Variants in APC2 observed in about 807,000 individuals in gnomAD.
APC2 encodes the protein APC regulator of Wnt signaling pathway 2.
APC2 carries 41 observed loss-of-function variants against 72.5 expected under a neutral mutation model. That is an observed-to-expected ratio of 0.57 (90% confidence interval 0.44 to 0.73). The LOEUF is 0.73. Ranked by LOEUF, APC2 falls within the 30% of genes least tolerant of loss-of-function variation. The probability of loss-of-function intolerance (pLI) is 0.00; values close to 1 mark genes in which losing one functional copy is unlikely to be tolerated. For synonymous variants in APC2, 1,898 were observed against 1,612.0 expected (o/e 1.18, Z -4.25); for missense variants, 3,729 against 3,403.4 (o/e 1.10, Z -2.38).
Position 1,466,649 on chromosome 19 carries a change from G to C in APC2, c.3348G>C (p.Ala1116=). 1 of 1,494,208 alleles carries C rather than the reference G, an allele frequency of 6.7e-7. No individual in the cohort carries two copies. Among genetic ancestry groups the C allele is most frequent in the Non-Finnish European group, 8.9e-7 (1 of 1,122,994 alleles). The allele number at this position is 1,494,208 out of a possible 1,614,324, so 92.6% of individuals were successfully genotyped here. The part of the protein sequence containing the change: ...SEAELDSTWR[A]PGATSLPVAI... ...CTGAGCTGGACAGCACGTGGCGGGC[G>C]CCCGGGGCCACCTCGCTGCCCGTAG... The change falls in exon 15 of 15, where the codon GCG becomes GCC. Residue 1116 remains alanine (A), a synonymous_variant. Coordinates refer to ENST00000590469, the MANE Select transcript of APC2 (RefSeq NM_005883.3).
chr19:1,469,722 G>A lies in APC2; in HGVS notation c.6421G>A (p.Ala2141Thr). 2 of 1,450,046 alleles carry A rather than the reference G, an allele frequency of 1.4e-6. No homozygotes were observed. Among genetic ancestry groups the A allele is most frequent in the South Asian group, 1.3e-5 (1 of 74,652 alleles). The allele number at this position is 1,450,046 out of a possible 1,614,324, so 89.8% of individuals were successfully genotyped here. Reference protein sequence around the residue: ...GEPRPLPRVAAPGTTWRRIRD... With the variant: ...GEPRPLPRVATPGTTWRRIRD... ...GCCCCGGCCGCTCCCCAGGGTGGCC[G>A]CGCCGGGCACGACCTGGCGGCGCAT... The change falls in exon 15 of 15, where the codon GCG becomes ACG. Residue 2141 changes from alanine to threonine, a missense_variant. Transcript: ENST00000590469.
At position 1,467,377 on chromosome 19, in the gene APC2, C is replaced by T. The variant is rs954240452; in HGVS notation, c.4076C>T (p.Ala1359Val). 6.9e-5 allele frequency: 103 copies of T among 1,485,106 alleles called. No homozygotes were observed. The highest frequency in any genetic ancestry group is 2.6e-4 in the Admixed American group (12 of 45,442). 92.0% of individuals were successfully genotyped at this position (1,485,106 alleles called of 1,614,324 possible). Reference sequence around the variant, plus strand: ...GTGCCTGCCCGGCTGCGCAAGGTGGCCTCCGCGCTGGTGCCAGGTCGCCGC... The same window carrying T: ...GTGCCTGCCCGGCTGCGCAAGGTGGTCTCCGCGCTGGTGCCAGGTCGCCGC... Reference protein sequence around the residue: ...AAVPARLRKVASALVPGRRAL... With the variant: ...AAVPARLRKVVSALVPGRRAL... Residue 1359 changes from alanine to valine, a missense_variant, in exon 15 of 15, where the codon GCC becomes GTC. Coordinates refer to ENST00000590469, the MANE Select transcript of APC2 (RefSeq NM_005883.3).
At chr19:1,457,759 C>T (rs1312138780) in intron 9 of APC2, 1 of 603,376 alleles carries the variant, frequency 1.7e-6, no homozygotes, top group Non-Finnish European at 3.0e-6. Flanking sequence ...CCAGGAACTA[C>T]CTCGCCTCCC....
chr19:1,459,196 T>TAAACA (rs2083886358), intron 10 of APC2, among the ~76,000 whole-genome samples: 1 of 152,056 alleles, frequency 6.6e-6, no homozygotes, highest in Non-Finnish European at 1.5e-5. Context: ...ATAGTCTGTT[T>TAAACA]GTTTCAGAGC....
At chr19:1,456,800 AG>A (rs1305897545) in intron 8 of APC2, 52 bp from the exon 9 acceptor site, 11 of 1,551,806 alleles carry the variant, frequency 7.1e-6, no homozygotes, top group Non-Finnish European at 9.5e-6. Flanking sequence ...CCGGGTTTCC[AG>A]GTGTGCGGGG....
chr19:1,453,358 C>T, intron 3 of APC2, 21 bp downstream of exon 3: 1 of 1,611,644 alleles, frequency 6.2e-7, no homozygotes, highest in Non-Finnish European at 8.5e-7. Context: ...GGGCCACCCG[C>T]AGAGGGAGTG....
rs2084059916 is a variant in APC2, at chr19:1,468,226, C to G, written c.4925C>G (p.Pro1642Arg). The G allele has an allele frequency of 6.8e-7, 1 of 1,481,234 alleles. No homozygotes were observed. Among genetic ancestry groups the G allele is most frequent in the African/African-American group, 1.5e-5 (1 of 68,154 alleles). 91.8% of individuals were successfully genotyped at this position (1,481,234 alleles called of 1,614,324 possible). ...CISSALPRRR[P>R]PVSGLRRRKP... is the part of the protein sequence containing the mutation. ...AGCTCGGCCCTGCCCAGGCGCCGGC[C>G]CCCCGTGTCTGGCCTGCGGCGCCGC... Residue 1642 changes from proline to arginine, a missense_variant, in exon 15 of 15, where the codon CCC becomes CGC. Pro to Arg is a moderately radical substitution (Grantham distance 103). Transcript: ENST00000590469.
chr19:1,468,246 C>T lies in APC2; in HGVS notation c.4945C>T (p.Arg1649Cys). ...CCGGCCCCCCGTGTCTGGCCTGCGGCGCCGCAAGCCCCGAGCCACCCGGCT... is the reference window on the plus strand; with the variant it reads ...CCGGCCCCCCGTGTCTGGCCTGCGGTGCCGCAAGCCCCGAGCCACCCGGCT... The part of the protein sequence containing the change: ...RRRPPVSGLR[R>C]RKPRATRLDE... Residue 1649 changes from arginine to cysteine, a missense_variant, in exon 15 of 15, where the codon CGC becomes TGC. Coordinates refer to ENST00000590469, the MANE Select transcript of APC2 (RefSeq NM_005883.3). 11 of 1,506,196 alleles carry T rather than the reference C, an allele frequency of 7.3e-6. No homozygotes were observed. In the South Asian group the frequency reaches 8.8e-5, roughly 12 times the overall value. The allele number at this position is 1,506,196 out of a possible 1,614,324, so 93.3% of individuals were successfully genotyped here. A position where few individuals can be genotyped will look rare whatever the true frequency, so the allele number is the denominator to read the frequency against.
At chr19:1,461,827 G>A (rs771509239) in intron 13 of APC2, 136 bp from the exon 14 acceptor site, 52 of 715,798 alleles carry the variant, frequency 7.3e-5, no homozygotes, top group Non-Finnish European at 9.7e-5. Context: ...ACTCCAGCCT[G>A]GGGGAGAGAG....
intron 11 of APC2, 76 bp downstream of exon 11, chr19:1,460,396 C>T: frequency 6.3e-7 from 1 of 1,593,578 alleles, no homozygotes; most frequent in South Asian, 1.1e-5. Context: ...CCAACTCATC[C>T]CAGCCTCGAA....
chr19:1,460,886 C>G (rs2083912085), intron 12 of APC2, 29 bp downstream of exon 12: 6 of 1,611,154 alleles, frequency 3.7e-6, no homozygotes, highest in Non-Finnish European at 5.1e-6. Context: ...GGAAAGCCTT[C>G]CAGGGTGTCC....
In APC2 at chr19:1,467,780, C is replaced by T; in HGVS notation, c.4479C>T (p.Leu1493=). The change falls in exon 15 of 15, where the codon CTC becomes CTT. Residue 1493 remains leucine (L), a synonymous_variant. Transcript: ENST00000590469. ...GCCGGACCCGCGGGGACGGGGCGCT[C>T]CAGTCGCTGTGCCTCACGACGCCCA... ...KPGRTRGDGA[L]QSLCLTTPTE... is the part of the protein sequence containing the mutation. 1 of 1,437,978 alleles carries T rather than the reference C, an allele frequency of 7.0e-7. No individual in the cohort carries two copies. The highest frequency in any genetic ancestry group is 9.1e-7 in the Non-Finnish European group (1 of 1,100,964). The allele number at this position is 1,437,978 out of a possible 1,614,324, so 89.1% of individuals were successfully genotyped here. A position where few individuals can be genotyped will look rare whatever the true frequency, so the allele number is the denominator to read the frequency against.
Position 1,467,790 on chromosome 19 carries a change from T to C in APC2, c.4489T>C (p.Cys1497Arg), listed in dbSNP as rs990568544. The C allele has an allele frequency of 6.9e-7, 1 of 1,446,446 alleles. No individual in the cohort carries two copies. The highest frequency in any genetic ancestry group is 1.5e-5 in the African/African-American group (1 of 67,922). The allele number at this position is 1,446,446 out of a possible 1,614,324, so 89.6% of individuals were successfully genotyped here. The change falls in exon 15 of 15, where the codon TGC becomes CGC. Residue 1497 changes from cysteine (C) to arginine (R), a missense_variant. Physicochemically the swap from Cys to Arg is radical, Grantham distance 180. Transcript: ENST00000590469. The part of the protein sequence containing the change: ...TRGDGALQSL[C>R]LTTPTEEAVY... ...CGGGGACGGGGCGCTCCAGTCGCTG[T>C]GCCTCACGACGCCCACTGAGGAGGC... is the stretch of plus-strand genomic sequence containing the variant.
At position 1,469,918 on chromosome 19, in the gene APC2, C is replaced by T. The variant is rs1304178159; in HGVS notation, c.6617C>T (p.Ser2206Phe). The change falls in exon 15 of 15, where the codon TCC becomes TTC. Residue 2206 changes from serine to phenylalanine, a missense_variant. Coordinates refer to ENST00000590469, the MANE Select transcript of APC2 (RefSeq NM_005883.3). ...VAAPKTNSST[S>F]PSLETREPPG... ...GCCCCCAAGACCAACTCCAGCACGT[C>T]CCCGAGCCTGGAGACCAGGGAGCCC... The T allele has an allele frequency of 1.3e-6, 2 of 1,520,206 alleles. No individual in the cohort carries two copies. Among genetic ancestry groups the T allele is most frequent in the Non-Finnish European group, 1.8e-6 (2 of 1,140,288 alleles). The allele number at this position is 1,520,206 out of a possible 1,614,324, so 94.2% of individuals were successfully genotyped here. A position where few individuals can be genotyped will look rare whatever the true frequency, so the allele number is the denominator to read the frequency against.
At chr19:1,465,100 C>T in intron 14 of APC2, 55 bp from the exon 15 acceptor site, 4 of 1,546,160 alleles carry the variant, frequency 2.6e-6, no homozygotes, top group Non-Finnish European at 3.5e-6. Context: ...CCCCATCCTT[C>T]GGTGGGCAGG....
In APC2 at chr19:1,468,994, G is replaced by C; in HGVS notation, c.5693G>C (p.Gly1898Ala). 1 of 1,559,752 alleles carries C rather than the reference G, an allele frequency of 6.4e-7. No individual in the cohort carries two copies. Among genetic ancestry groups the C allele is most frequent in the Non-Finnish European group, 8.6e-7 (1 of 1,157,428 alleles). The stretch of plus-strand genomic sequence containing the variant: ...CGCCCCCCGGTCACCCAGGCTGCTG[G>C]GGCCCTGCCCGGCCCCGGAGCCTCC... ...RKRPPVTQAA[G>A]ALPGPGASPV... Residue 1898 changes from glycine (G) to alanine (A), a missense_variant, in exon 15 of 15, where the codon GGG (glycine) becomes GCG (alanine). Physicochemically the swap from Gly to Ala is moderately conservative, Grantham distance 60. Transcript: ENST00000590469.
chr19:1,456,188 G>T, intron 7 of APC2, 35 bp downstream of exon 7: 2 of 1,562,504 alleles, frequency 1.3e-6, no homozygotes, highest in Non-Finnish European at 1.7e-6. Flanking sequence ...ACCAGGGGTG[G>T]TGTCGGCCCA....
Position 1,468,334 on chromosome 19 carries a change from C to A in APC2, c.5033C>A (p.Ala1678Asp), listed in dbSNP as rs1230663836. Residue 1678 changes from alanine (A) to aspartate (D), a missense_variant, in exon 15 of 15, where the codon GCC becomes GAC. Ala to Asp is a moderately radical substitution (Grantham distance 126). Transcript: ENST00000590469. ...RGEEAAGSDR[A>D]SDLDSVEWRA... ...GAGGAGGCAGCGGGCTCGGACCGGG[C>A]CTCCGACCTGGATAGCGTGGAGTGG... is the stretch of plus-strand genomic sequence containing the variant. 6.4e-7 allele frequency: 1 copy of A among 1,558,856 alleles called. No individual in the cohort carries two copies. Among genetic ancestry groups the A allele is most frequent in the Non-Finnish European group, 8.7e-7 (1 of 1,152,844 alleles).
At position 1,467,934 on chromosome 19, in the gene APC2, C is replaced by T. The variant is rs775249886; in HGVS notation, c.4633C>T (p.Arg1545Trp). Residue 1545 changes from arginine to tryptophan, a missense_variant, in exon 15 of 15, where the codon CGG becomes TGG. Arg to Trp is a moderately radical substitution (Grantham distance 101). Transcript: ENST00000590469. Reference protein sequence around the residue: ...RAFTRERPQGRKEAPAPSKAA... With the variant: ...RAFTRERPQGWKEAPAPSKAA... ...TTTTACGCGGGAGCGTCCGCAGGGC[C>T]GGAAGGAGGCCCCTGCCCCGTCCAA... The T allele has an allele frequency of 2.4e-5, 38 of 1,585,758 alleles. No homozygotes were observed. Among genetic ancestry groups the T allele is most frequent in the Admixed American group, 5.1e-5 (3 of 59,230 alleles).
Sources: allele counts gnomAD v4.1 joint callset (sites outside exome capture counted in the v4.1 genomes callset), GRCh38; gene constraint gnomAD v4.1.1; transcripts MANE v1.5; gene names NCBI Gene and HGNC (gene_info 2026-07-23, HGNC 2026-07-21).